The following SRD5A2 variants were observed in gnomAD, a reference collection of about 807,000 sequenced individuals.
SRD5A2 encodes the protein steroid 5 alpha-reductase 2.
In SRD5A2, 30 loss-of-function variants were observed where a neutral mutation model predicts 27.4. The ratio of observed to expected loss-of-function variants is 1.10; its 90% CI spans 0.82 to 1.49. The LOEUF (loss-of-function observed/expected upper bound fraction) is 1.49. Among genes scored for constraint, SRD5A2 ranks in the 40% most tolerant of loss-of-function variants. The pLI, the probability that SRD5A2 is intolerant of heterozygous loss-of-function variation, is 0.00. For missense variants in SRD5A2, 348 were observed against 323.4 expected (o/e 1.08, Z -0.58); for synonymous variants, 141 against 133.6 (o/e 1.06, Z -0.38).
the SRD5A2 span, among the ~76,000 whole-genome samples, chr2:31,659,143 G>A: frequency 6.6e-6 from 1 of 152,004 alleles, no homozygotes; most frequent in Non-Finnish European, 1.5e-5. Flanking sequence ...ACTTCATGTT[G>A]AAAACACTGA....
chr2:31,560,064 C>A (rs78390730), intron 1 of SRD5A2, among the ~76,000 whole-genome samples: 2 of 145,506 alleles, frequency 1.4e-5, no homozygotes, highest in Admixed American at 6.9e-5. Flanking sequence ...ATCCCCCCCC[C>A]CCCCTTTTTT....
chr2:31,606,086 T>C, the SRD5A2 span, among the ~76,000 whole-genome samples: 1 of 151,830 alleles, frequency 6.6e-6, no homozygotes, highest in Admixed American at 6.6e-5. Flanking sequence ...ATTTCTGAGA[T>C]CTAAAAATCA....
the SRD5A2 span, among the ~76,000 whole-genome samples, chr2:31,628,518 G>T: frequency 6.6e-6 from 1 of 152,072 alleles, no homozygotes; most frequent in Non-Finnish European, 1.5e-5. Context: ...TCATCATATT[G>T]TTAGCTGGTT....
At chr2:31,657,086 T>C in the SRD5A2 span, among the ~76,000 whole-genome samples, 1 of 152,232 alleles carries the variant, frequency 6.6e-6, no homozygotes, top group Non-Finnish European at 1.5e-5. Context: ...TATGGTATAG[T>C]ATCCTAGCTA....
chr2:31,608,704 T>C, the SRD5A2 span, among the ~76,000 whole-genome samples: 2 of 151,952 alleles, frequency 1.3e-5, no homozygotes, highest in Non-Finnish European at 2.9e-5. Context: ...TAGATATAAA[T>C]TTAACAAAAG....
At chr2:31,629,807 T>G in the SRD5A2 span, among the ~76,000 whole-genome samples, 1 of 152,156 alleles carries the variant, frequency 6.6e-6, no homozygotes, top group African/African-American at 2.4e-5. Flanking sequence ...TTCTTGAAAA[T>G]GTAGCCCCAA....
the SRD5A2 span, among the ~76,000 whole-genome samples, chr2:31,607,534 T>C: frequency 3.3e-5 from 5 of 151,758 alleles, no homozygotes; most frequent in Admixed American, 6.6e-5. Context: ...TTTACCTATA[T>C]CCAGCAAAAA....
chr2:31,614,391 G>A, the SRD5A2 span, among the ~76,000 whole-genome samples: 1 of 152,354 alleles, frequency 6.6e-6, no homozygotes, highest in South Asian at 2.1e-4. Context: ...TCTAGGTCAT[G>A]CTGATGCAAG....
intron 1 of SRD5A2, among the ~76,000 whole-genome samples, chr2:31,566,678 C>T (rs1666735759): frequency 2.0e-5 from 3 of 152,164 alleles, no homozygotes; most frequent in Admixed American, 1.3e-4. Context: ...GTCATAGCAG[C>T]TCAGTGGGGG....
At chr2:31,605,856 G>T in the SRD5A2 span, among the ~76,000 whole-genome samples, 1 of 151,814 alleles carries the variant, frequency 6.6e-6, no homozygotes, top group Non-Finnish European at 1.5e-5. Flanking sequence ...TCTCATGTTT[G>T]TTGTAGCACT....
chr2:31,591,297 A>G, the SRD5A2 span, among the ~76,000 whole-genome samples: 1 of 152,238 alleles, frequency 6.6e-6, no homozygotes, highest in Admixed American at 6.5e-5. Flanking sequence ...GACATTTCTC[A>G]AAAGAAGACA....
At chr2:31,559,422 T>G (rs2148087220) in intron 1 of SRD5A2, among the ~76,000 whole-genome samples, 1 of 152,314 alleles carries the variant, frequency 6.6e-6, no homozygotes, top group Admixed American at 6.5e-5. Flanking sequence ...TTTTAGAAAG[T>G]GTTTCTTACT....
At chr2:31,659,304 T>C in the SRD5A2 span, among the ~76,000 whole-genome samples, 1 of 152,082 alleles carries the variant, frequency 6.6e-6, no homozygotes, top group Non-Finnish European at 1.5e-5. Context: ...GAACTCCTAT[T>C]CAACATAGTA....
the SRD5A2 span, among the ~76,000 whole-genome samples, chr2:31,659,525 C>T: frequency 1.3e-5 from 2 of 152,108 alleles, no homozygotes; most frequent in African/African-American, 2.4e-5. Flanking sequence ...AATAGCATTT[C>T]TATACACCAA....
chr2:31,616,500 G>A, the SRD5A2 span, among the ~76,000 whole-genome samples: 1,938 of 152,308 alleles, frequency 0.013, 31 homozygotes, highest in African/African-American at 0.045. Context: ...ACCTGGATAT[G>A]AGACATGGAG....
intron 1 of SRD5A2, among the ~76,000 whole-genome samples, chr2:31,536,158 C>G (rs945285989): frequency 6.6e-6 from 1 of 152,138 alleles, no homozygotes; most frequent in African/African-American, 2.4e-5. Flanking sequence ...AAGGTGACTT[C>G]TTAGAAGGAA....
chr2:31,550,408 A>T (rs551741548), intron 1 of SRD5A2, among the ~76,000 whole-genome samples: 4,450 of 151,900 alleles, frequency 0.029, 216 homozygotes, highest in African/African-American at 0.1. Flanking sequence ...AAAAAAAAAA[A>T]AGGTAAAGAT....
the SRD5A2 span, among the ~76,000 whole-genome samples, chr2:31,632,109 T>A: frequency 1.4e-5 from 2 of 145,596 alleles, no homozygotes; most frequent in Non-Finnish European, 3.0e-5. Flanking sequence ...CTGCAGACAT[T>A]AAAAAAAAAA....
chr2:31,590,662 C>T, the SRD5A2 span, among the ~76,000 whole-genome samples: 1 of 152,186 alleles, frequency 6.6e-6, no homozygotes, highest in Non-Finnish European at 1.5e-5. Flanking sequence ...AGGCATCATG[C>T]TACCTGACTT....
Sources: allele counts gnomAD v4.1 joint callset (sites outside exome capture counted in the v4.1 genomes callset), GRCh38; gene constraint gnomAD v4.1.1; transcripts MANE v1.5; gene names NCBI Gene and HGNC (gene_info 2026-07-23, HGNC 2026-07-21).